DNAH17: variants seen among roughly 807,000 people sequenced by gnomAD.
DNAH17 encodes dynein axonemal heavy chain 17, also known as axonemal beta dynein heavy chain 17.
DNAH17 carries 376 observed loss-of-function variants against 485.6 expected under a neutral mutation model. The observed-to-expected ratio is 0.77, with a 90% CI of 0.71 to 0.84. The LOEUF is 0.84. Among genes scored for constraint, DNAH17 ranks in the 40% least tolerant of loss-of-function variants. DNAH17 has a pLI of 0.00. For missense variants in DNAH17, 6,370 were observed against 5,839.3 expected, an observed-to-expected ratio of 1.09 and a Z score of -2.96; for synonymous variants, 3,031 against 2,405.9, an observed-to-expected ratio of 1.26 and a Z score of -7.60.
intron 14 of DNAH17, among the ~76,000 whole-genome samples, chr17:78,556,494 T>G (rs1014036898): frequency 2.0e-5 from 3 of 152,224 alleles, no homozygotes; most frequent in African/African-American, 7.2e-5. Context: ...TGTGGTGATT[T>G]GTTACAGCAG....
intron 2 of DNAH17, 57 bp from the exon 3 acceptor site, chr17:78,572,951 G>T (rs569210634): frequency 1.1e-5 from 16 of 1,511,486 alleles, no homozygotes; most frequent in Non-Finnish European, 1.3e-5. Context: ...CTCGGCAACC[G>T]CACAGAGCCA....
intron 49 of DNAH17, among the ~76,000 whole-genome samples, 157 bp downstream of exon 49, chr17:78,480,527 C>T (rs1036871723): frequency 2.6e-5 from 4 of 152,148 alleles, no homozygotes; most frequent in African/African-American, 9.7e-5. Context: ...CTCTCCATGC[C>T]CTGGAATTTT....
intron 11 of DNAH17, among the ~76,000 whole-genome samples, chr17:78,565,052 T>C (rs2092239732): frequency 6.6e-6 from 1 of 152,198 alleles, no homozygotes; most frequent in African/African-American, 2.4e-5. Flanking sequence ...GCTAGAATCT[T>C]GAAGTTGGTT....
At chr17:78,472,720 G>A (rs941310955) in intron 54 of DNAH17, 6 of 454,924 alleles carry the variant, frequency 1.3e-5, no homozygotes, top group Admixed American at 1.2e-4. Flanking sequence ...CGCTGTCTCG[G>A]CAGGCACAGC....
intron 24 of DNAH17, among the ~76,000 whole-genome samples, chr17:78,526,180 G>T (rs2091065310): frequency 6.6e-6 from 1 of 152,016 alleles, no homozygotes; most frequent in Non-Finnish European, 1.5e-5. Context: ...CATGAACTTG[G>T]ACAGTGGGAA....
rs1368366520 is a variant in DNAH17, at chr17:78,490,730, A to G, written c.6787T>C (p.Tyr2263His). ...CATCCCAGGTCGGCTGGGTTGATGT[A>G]GAGGATGCCGGCTCTGGAAACGGTG... ...PATVSRAGIL[Y>H]INPADLGWNP... The change falls in exon 44 of 81, where the codon TAC (tyrosine) becomes CAC (histidine). Residue 2263 changes from tyrosine to histidine, a missense_variant. Tyr to His is a moderately conservative substitution (Grantham distance 83, BLOSUM62 2). Transcript: ENST00000389840. 6.2e-7 allele frequency: 1 copy of G among 1,608,144 alleles called. No individual in the cohort carries two copies. The highest frequency in any genetic ancestry group is 1.1e-5 in the South Asian group (1 of 89,710).
chr17:78,510,654 A>G, intron 26 of DNAH17, 148 bp from the exon 27 acceptor site: 1 of 1,042,272 alleles, frequency 9.6e-7, no homozygotes, highest in Non-Finnish European at 1.4e-6. Flanking sequence ...TGCCATTTTC[A>G]GCTCTGAGAC....
At position 78,570,291 on chromosome 17, in the gene DNAH17, T is replaced by C. The variant is rs755554562; in HGVS notation, c.1000A>G (p.Ile334Val). Reference protein sequence around the residue: ...TSEYYNTPARIIVILQEFCNQ... With the variant: ...TSEYYNTPARVIVILQEFCNQ... ...CAGAACTCCTGCAGGATGACGATGA[T>C]CCTGGCAGGTGTGTTATAGTACTCA... Residue 334 changes from isoleucine (I) to valine (V), a missense_variant, in exon 7 of 81, where the codon ATC becomes GTC. Physicochemically the swap from Ile to Val is conservative, Grantham distance 29. Transcript: ENST00000389840. 23 of 1,599,378 alleles carry C rather than the reference T, an allele frequency of 1.4e-5. No homozygotes were observed. The South Asian group carries it at 2.2e-4, about 15-fold the overall frequency.
At chr17:78,575,607 C>T (rs971109489) in intron 1 of DNAH17, among the ~76,000 whole-genome samples, 6 of 152,182 alleles carry the variant, frequency 3.9e-5, no homozygotes, top group Non-Finnish European at 8.8e-5. Flanking sequence ...TTAACTTTCA[C>T]TCTGCTCTGC....
chr17:78,545,492 C>T (rs754176237), intron 16 of DNAH17, among the ~76,000 whole-genome samples: 1 of 152,134 alleles, frequency 6.6e-6, no homozygotes, highest in Non-Finnish European at 1.5e-5. Flanking sequence ...TGGCCGCCTT[C>T]TTGTTGTGAC....
At chr17:78,562,054 C>T (rs773329737) in intron 11 of DNAH17, 74 bp from the exon 12 acceptor site, 15 of 1,480,578 alleles carry the variant, frequency 1.0e-5, no homozygotes, top group Admixed American at 7.1e-5. Flanking sequence ...GTGGACAAAA[C>T]GGGCAGGGCC....
intron 44 of DNAH17, chr17:78,489,360 T>A (rs2089747966): frequency 6.6e-6 from 1 of 152,322 alleles, no homozygotes; most frequent in Admixed American, 6.5e-5. Context: ...CAAAGCTTCA[T>A]TCCTCTTGTT....
At chr17:78,542,555 A>G (rs949331363) in intron 17 of DNAH17, among the ~76,000 whole-genome samples, 10 of 152,320 alleles carry the variant, frequency 6.6e-5, no homozygotes, top group African/African-American at 2.4e-4. Context: ...TGAAATTACT[A>G]CCAAGTGAGG....
chr17:78,571,297 A>G lies in DNAH17; in HGVS notation c.814T>C (p.Tyr272His), dbSNP rs766482835. Residue 272 changes from tyrosine to histidine, a missense_variant, in exon 5 of 81, where the codon TAC becomes CAC. Physicochemically the swap from Tyr to His is moderately conservative, Grantham distance 83 (BLOSUM62 2). Coordinates refer to ENST00000389840, the MANE Select transcript of DNAH17 (RefSeq NM_173628.4). ...GGCTCACCTTCAGTGACGTTGGTGT[A>G]AACGTTTTGCAGGGCTGGCCAGTAG... is the stretch of plus-strand genomic sequence containing the variant. ...SCYWPALQNVYTNVTEGLKEA... is the reference protein window; with the variant it reads ...SCYWPALQNVHTNVTEGLKEA... 4 of 1,613,366 alleles carry G rather than the reference A, an allele frequency of 2.5e-6. No individual in the cohort carries two copies. Among genetic ancestry groups the G allele is most frequent in the African/African-American group, 2.7e-5 (2 of 74,916 alleles).
chr17:78,460,258 C>A lies in DNAH17; in HGVS notation c.9340-1G>T. ...AGGCCTTTTGCTTCTCAGTGACGTT[C>A]TGGAAGGAAGATGGACAGGAGAGGT... On this transcript the variant is annotated splice_acceptor_variant, in intron 58 of 80. Coordinates refer to ENST00000389840, the MANE Select transcript of DNAH17 (RefSeq NM_173628.4). LOFTEE classifies it high-confidence loss of function. The A allele has an allele frequency of 6.3e-7, 1 of 1,597,020 alleles. No homozygotes were observed. Among genetic ancestry groups the A allele is most frequent in the Non-Finnish European group, 8.5e-7 (1 of 1,170,914 alleles).
At chr17:78,440,281 G>A (rs2087022716) in intron 72 of DNAH17, among the ~76,000 whole-genome samples, 1 of 133,364 alleles carries the variant, frequency 7.5e-6, no homozygotes, top group African/African-American at 3.0e-5. Context: ...TTTTGAGACA[G>A]GGTCTTACTC....
At chr17:78,441,900 C>G (rs1297608408) in intron 71 of DNAH17, among the ~76,000 whole-genome samples, 5 of 152,076 alleles carry the variant, frequency 3.3e-5, no homozygotes, top group Non-Finnish European at 7.4e-5. Context: ...GCCTGACCAA[C>G]ATGACAAAAC....
At chr17:78,516,286 GA>G (rs1416115557) in intron 25 of DNAH17, among the ~76,000 whole-genome samples, 1 of 152,184 alleles carries the variant, frequency 6.6e-6, no homozygotes, top group African/African-American at 2.4e-5. Flanking sequence ...CATCTCCTGG[GA>G]AATGTGGACT....
intron 77 of DNAH17, chr17:78,428,296 C>T: frequency 1.7e-6 from 1 of 588,236 alleles, no homozygotes; most frequent in South Asian, 1.9e-5. Context: ...CCAAGGATCC[C>T]TTTTGTCTGG....
Sources: gnomAD v4.1 joint callset for allele counts (sites outside exome capture counted in the v4.1 genomes callset) on GRCh38, gnomAD v4.1.1 for gene constraint, MANE v1.5 for transcripts, NCBI Gene and HGNC (gene_info 2026-07-23, HGNC 2026-07-21) for gene names.